Variants in KRTAP24-1 observed in about 807,000 individuals in gnomAD.
KRTAP24-1 encodes keratin-associated protein 24-1.
For synonymous variants in KRTAP24-1, 133 were observed against 116.3 expected (o/e 1.14, Z -0.92); for missense variants, 344 against 303.2 (o/e 1.13, Z -1.00).
At position 30,282,186 on chromosome 21, in the gene KRTAP24-1, T is replaced by G. The variant is rs141102396; in HGVS notation, c.747A>C (p.Arg249Ser). ...AAGTTGGTCAATAGCATTTCAGAGG[T>G]CTGCTACCACTGCACAAATACCTCA... ...PPLRYLCSGS[R>S]PLKCY is the part of the protein sequence containing the mutation. Residue 249 changes from arginine (R) to serine (S), a missense_variant, in exon 1 of 1, where the codon AGA becomes AGC. Physicochemically the swap from Arg to Ser is moderately radical, Grantham distance 110. Transcript: ENST00000340345. 7.4e-4 allele frequency: 1,197 copies of G among 1,611,414 alleles called. 4 individuals are homozygous for G. In the African/African-American group the frequency reaches 0.014, roughly 19 times the overall value.
In KRTAP24-1 at chr21:30,281,900, G is replaced by A. The variant is rs1018917702; in HGVS notation, c.*268C>T. The stretch of plus-strand genomic sequence containing the variant: ...GTTGTATTTCAAATGGAGTCTCTTC[G>A]GTAAGTCCATTGTAATAAATCTCAG... On this transcript the variant is annotated 3_prime_UTR_variant, in exon 1 of 1. Transcript: ENST00000340345. The A allele has an allele frequency of 5.3e-5, 19 of 358,728 alleles. No individual in the cohort carries two copies. Among genetic ancestry groups the A allele is most frequent in the African/African-American group, 2.7e-4 (13 of 47,514 alleles). The allele number at this position is 358,728 out of a possible 1,614,324, so 22.2% of individuals were successfully genotyped here.
At position 30,282,417 on chromosome 21, in the gene KRTAP24-1, A is replaced by G. The variant is rs950844806; in HGVS notation, c.516T>C (p.Thr172=). ...FQTLNHCRLS[T]LGYKSYQNPC... is the part of the protein sequence containing the mutation. ...GATTTTGGTAGCTTTTATACCCCAAAGTACTCAATCTGCAGTGGTTTAGAG... is the reference window on the plus strand; with the variant it reads ...GATTTTGGTAGCTTTTATACCCCAAGGTACTCAATCTGCAGTGGTTTAGAG... The change falls in exon 1 of 1, where the codon ACT becomes ACC. Residue 172 remains threonine (T), a synonymous_variant. Coordinates refer to ENST00000340345, the MANE Select transcript of KRTAP24-1 (RefSeq NM_001085455.3). 4 of 1,614,084 alleles carry G rather than the reference A, an allele frequency of 2.5e-6. No homozygotes were observed. The highest frequency in any genetic ancestry group is 3.4e-6 in the Non-Finnish European group (4 of 1,180,034).
Position 30,282,929 on chromosome 21 carries a change from G to T in KRTAP24-1, c.4C>A (p.Pro2Thr), listed in dbSNP as rs764965517. The T allele has an allele frequency of 1.2e-6, 2 of 1,605,852 alleles. No homozygotes were observed. Among genetic ancestry groups the T allele is most frequent in the Non-Finnish European group, 1.7e-6 (2 of 1,175,708 alleles). The part of the protein sequence containing the change: M[P>T]AGSMSTTGYP... ...CCTGTAGTAGACATGGAGCCTGCAGGCATGCTCAGTGGTCGCTGTGCAGTG... is the reference window on the plus strand; with the variant it reads ...CCTGTAGTAGACATGGAGCCTGCAGTCATGCTCAGTGGTCGCTGTGCAGTG... Residue 2 changes from proline to threonine, a missense_variant, in exon 1 of 1, where the codon CCT becomes ACT. Coordinates refer to ENST00000340345, the MANE Select transcript of KRTAP24-1 (RefSeq NM_001085455.3).
In KRTAP24-1 at chr21:30,282,729, T is replaced by G; in HGVS notation, c.204A>C (p.Ala68=). ...LDYCQESYGE[A]PTCKSPSCEP... is the part of the protein sequence containing the mutation. ...CACAGCTGGGAGATTTGCAGGTTGG[T>G]GCTTCACCGTAGGATTCTTGGCAGT... The change falls in exon 1 of 1, where the codon GCA becomes GCC. Residue 68 remains alanine, a synonymous_variant. Transcript: ENST00000340345. 1 of 1,613,904 alleles carries G rather than the reference T, an allele frequency of 6.2e-7. No individual in the cohort carries two copies. The highest frequency in any genetic ancestry group is 8.5e-7 in the Non-Finnish European group (1 of 1,179,896).
rs777458893 is a variant in KRTAP24-1, at chr21:30,282,698, T to C, written c.235A>G (p.Lys79Glu). ...TCACAACCAGTGGTACTGCAGGTCT[T>C]GGGCTCACAGCTGGGAGATTTGCAG... is the stretch of plus-strand genomic sequence containing the variant. ...PTCKSPSCEP[K>E]TCSTTGCDPS... The change falls in exon 1 of 1, where the codon AAG (lysine) becomes GAG (glutamate). Residue 79 changes from lysine to glutamate, a missense_variant. Physicochemically the swap from Lys to Glu is moderately conservative, Grantham distance 56 (BLOSUM62 1). Coordinates refer to ENST00000340345, the MANE Select transcript of KRTAP24-1 (RefSeq NM_001085455.3). 2.5e-6 allele frequency: 4 copies of C among 1,612,992 alleles called. No individual in the cohort carries two copies. The highest frequency in any genetic ancestry group is 2.2e-5 in the East Asian group (1 of 44,854).
Position 30,282,045 on chromosome 21 carries a change from G to C in KRTAP24-1, c.*123C>G, listed in dbSNP as rs182706436. 8.8e-4 allele frequency: 892 copies of C among 1,018,788 alleles called. 5 individuals are homozygous for C. The East Asian group carries it at 0.015, about 17-fold the overall frequency. The allele number at this position is 1,018,788 out of a possible 1,614,324, so 63.1% of individuals were successfully genotyped here. ...GTTAATAAACCTGGGAGTTGTATTT[G>C]AACTTAATGTAACAAGATTCTTAGG... is the stretch of plus-strand genomic sequence containing the variant. On this transcript the variant is annotated 3_prime_UTR_variant, in exon 1 of 1. Transcript: ENST00000340345.
chr21:30,282,360 T>C lies in KRTAP24-1; in HGVS notation c.573A>G (p.Leu191=). The C allele has an allele frequency of 6.2e-7, 1 of 1,614,090 alleles. No homozygotes were observed. The highest frequency in any genetic ancestry group is 8.5e-7 in the Non-Finnish European group (1 of 1,180,006). The stretch of plus-strand genomic sequence containing the variant: ...GTTGGCAGCTGTTGGAAATATAACA[T>C]AATGGTGAGACGTAGCTGGGTATGA... The part of the protein sequence containing the change: ...PCFIPSYVSP[L]CYISNSCQPQ... Residue 191 remains leucine, a synonymous_variant, in exon 1 of 1, where the codon TTA becomes TTG. Coordinates refer to ENST00000340345, the MANE Select transcript of KRTAP24-1 (RefSeq NM_001085455.3).
chr21:30,282,089 C>A lies in KRTAP24-1; in HGVS notation c.*79G>T. The A allele has an allele frequency of 1.5e-6, 2 of 1,356,338 alleles. No individual in the cohort carries two copies. The highest frequency in any genetic ancestry group is 2.0e-6 in the Non-Finnish European group (2 of 999,630). The allele number at this position is 1,356,338 out of a possible 1,614,324, so 84.0% of individuals were successfully genotyped here. ...TCTTAGGCTGAATAAAGAGATTCAG[C>A]AGAAAATTAGACGTTCTAGTACTTA... On this transcript the variant is annotated 3_prime_UTR_variant, in exon 1 of 1. Coordinates refer to ENST00000340345, the MANE Select transcript of KRTAP24-1 (RefSeq NM_001085455.3).
rs369096039 is a variant in KRTAP24-1, at chr21:30,282,411, C to T, written c.522G>A (p.Gly174=). 1.5e-4 allele frequency: 246 copies of T among 1,613,922 alleles called. No homozygotes were observed. Among genetic ancestry groups the T allele is most frequent in the Non-Finnish European group, 1.9e-4 (227 of 1,179,952 alleles). The change falls in exon 1 of 1, where the codon GGG becomes GGA. Residue 174 remains glycine (G), a synonymous_variant. Coordinates refer to ENST00000340345, the MANE Select transcript of KRTAP24-1 (RefSeq NM_001085455.3). The part of the protein sequence containing the change: ...TLNHCRLSTL[G]YKSYQNPCFI... ...AGCAAGGATTTTGGTAGCTTTTATA[C>T]CCCAAAGTACTCAATCTGCAGTGGT...
rs1980736037 is a variant in KRTAP24-1 at position 30,282,434 on chromosome 21, G to T, written c.499C>A (p.His167Asn). ...TACCCCAAAGTACTCAATCTGCAGT[G>T]GTTTAGAGTTTGGAAACTCTTGGAT... is the stretch of plus-strand genomic sequence containing the variant. ...CLSKSFQTLN[H>N]CRLSTLGYKS... The change falls in exon 1 of 1, where the codon CAC becomes AAC. Residue 167 changes from histidine to asparagine, a missense_variant. Physicochemically the swap from His to Asn is moderately conservative, Grantham distance 68 (BLOSUM62 1). Transcript: ENST00000340345. 2 of 1,614,022 alleles carry T rather than the reference G, an allele frequency of 1.2e-6. No individual in the cohort carries two copies. The highest frequency in any genetic ancestry group is 1.7e-6 in the Non-Finnish European group (2 of 1,180,016).
chr21:30,282,297 G>A lies in KRTAP24-1; in HGVS notation c.636C>T (p.Ser212=). 1 of 1,614,130 alleles carries A rather than the reference G, an allele frequency of 6.2e-7. No homozygotes were observed. Among genetic ancestry groups the A allele is most frequent in the South Asian group, 1.1e-5 (1 of 91,082 alleles). ...GTGGTCGGCAGCTCGTAGGCCTGTA[G>A]CTTGAATAGTGATAATTTCTCACTA... The part of the protein sequence containing the change: ...SYLVRNYHYS[S]YRPTSCRPLS... The change falls in exon 1 of 1, where the codon AGC becomes AGT. Residue 212 remains serine (S), a synonymous_variant. Coordinates refer to ENST00000340345, the MANE Select transcript of KRTAP24-1 (RefSeq NM_001085455.3).
chr21:30,282,418 G>T lies in KRTAP24-1; in HGVS notation c.515C>A (p.Thr172Asn), dbSNP rs760382015. 1 of 1,614,052 alleles carries T rather than the reference G, an allele frequency of 6.2e-7. No homozygotes were observed. The highest frequency in any genetic ancestry group is 8.5e-7 in the Non-Finnish European group (1 of 1,180,022). ...FQTLNHCRLS[T>N]LGYKSYQNPC... Reference sequence around the variant, plus strand: ...ATTTTGGTAGCTTTTATACCCCAAAGTACTCAATCTGCAGTGGTTTAGAGT... The same window carrying T: ...ATTTTGGTAGCTTTTATACCCCAAATTACTCAATCTGCAGTGGTTTAGAGT... The change falls in exon 1 of 1, where the codon ACT becomes AAT. Residue 172 changes from threonine (T) to asparagine (N), a missense_variant. Physicochemically the swap from Thr to Asn is moderately conservative, Grantham distance 65. Coordinates refer to ENST00000340345, the MANE Select transcript of KRTAP24-1 (RefSeq NM_001085455.3).
chr21:30,281,886 A>C lies in KRTAP24-1; in HGVS notation c.*282T>G. The stretch of plus-strand genomic sequence containing the variant: ...GAAAGCCGGTGATGGTTGTATTTCA[A>C]ATGGAGTCTCTTCGGTAAGTCCATT... On this transcript the variant is annotated 3_prime_UTR_variant, in exon 1 of 1. Transcript: ENST00000340345. 1 of 312,296 alleles carries C rather than the reference A, an allele frequency of 3.2e-6. No individual in the cohort carries two copies. The highest frequency in any genetic ancestry group is 5.8e-6 in the Non-Finnish European group (1 of 171,172). 19.3% of individuals were successfully genotyped at this position (312,296 alleles called of 1,614,324 possible). A position where few individuals can be genotyped will look rare whatever the true frequency, so the allele number is the denominator to read the frequency against.
chr21:30,282,154 A>C lies in KRTAP24-1; in HGVS notation c.*14T>G. On this transcript the variant is annotated 3_prime_UTR_variant, in exon 1 of 1. Coordinates refer to ENST00000340345, the MANE Select transcript of KRTAP24-1 (RefSeq NM_001085455.3). Reference sequence around the variant, plus strand: ...ATTGGGCAATTTCCAGCTGCTATAAATTCTGGAAGTTGGTCAATAGCATTT... The same window carrying C: ...ATTGGGCAATTTCCAGCTGCTATAACTTCTGGAAGTTGGTCAATAGCATTT... 2 of 1,597,164 alleles carry C rather than the reference A, an allele frequency of 1.3e-6. No homozygotes were observed. The highest frequency in any genetic ancestry group is 1.1e-5 in the South Asian group (1 of 89,582).
In KRTAP24-1 at chr21:30,282,842, A is replaced by C. The variant is rs1284467830; in HGVS notation, c.91T>G (p.Ser31Ala). The C allele has an allele frequency of 5.6e-6, 9 of 1,613,802 alleles. No homozygotes were observed. In the Admixed American group the frequency reaches 1.3e-4, roughly 24 times the overall value. Residue 31 changes from serine (S) to alanine (A), a missense_variant, in exon 1 of 1, where the codon TCT becomes GCT. Transcript: ENST00000340345. Reference protein sequence around the residue: ...RTHCYIPVTSSVTLSSSDLSP... With the variant: ...RTHCYIPVTSAVTLSSSDLSP... ...AAATCACTGGAGCTAAGAGTAACAGAAGAGGTCACTGGGATATAACAGTGA... is the reference window on the plus strand; with the variant it reads ...AAATCACTGGAGCTAAGAGTAACAGCAGAGGTCACTGGGATATAACAGTGA...
Position 30,282,230 on chromosome 21 carries a change from G to A in KRTAP24-1, c.703C>T (p.Pro235Ser). ...TACCTCAGAGGTGGAAAGGTACTGG[G>A]TATATAGCTCAGAGATCTGAAGCTT... is the stretch of plus-strand genomic sequence containing the variant. The part of the protein sequence containing the change: ...SRSFRSLSYI[P>S]STFPPLRYLC... Residue 235 changes from proline to serine, a missense_variant, in exon 1 of 1, where the codon CCC becomes TCC. By Grantham distance (74) the Pro-to-Ser change is moderately conservative. Coordinates refer to ENST00000340345, the MANE Select transcript of KRTAP24-1 (RefSeq NM_001085455.3). 7 of 1,614,086 alleles carry A rather than the reference G, an allele frequency of 4.3e-6. No homozygotes were observed. Among genetic ancestry groups the A allele is most frequent in the Non-Finnish European group, 5.9e-6 (7 of 1,179,990 alleles).
chr21:30,282,338 G>A, the KRTAP24-1 span: 2 of 1,613,970 alleles, frequency 1.2e-6, no homozygotes, highest in Admixed American at 1.7e-5. Context: ...CTTTGGGGTT[G>A]GCAGCTGTTG....
Position 30,282,585 on chromosome 21 carries a change from G to C in KRTAP24-1, c.348C>G (p.Pro116=), listed in dbSNP as rs776189194. 1 of 1,590,232 alleles carries C rather than the reference G, an allele frequency of 6.3e-7. No individual in the cohort carries two copies. The highest frequency in any genetic ancestry group is 2.2e-5 in the East Asian group (1 of 44,686). Residue 116 remains proline, a synonymous_variant, in exon 1 of 1, where the codon CCC becomes CCG. Transcript: ENST00000340345. ...VCETTNVSPS[P]SCSPSTQTNG... ...TGGTCTGGGTGCTTGGGCTGCAGCTGGGGCTGGGGCTGACGTTGGTAGTTT... is the reference window on the plus strand; with the variant it reads ...TGGTCTGGGTGCTTGGGCTGCAGCTCGGGCTGGGGCTGACGTTGGTAGTTT...
At chr21:30,282,211 AG>A in the KRTAP24-1 span, 1 of 1,613,948 alleles carries the variant, frequency 6.2e-7, no homozygotes, top group Non-Finnish European at 8.5e-7. Context: ...CAAATACCTC[AG>A]AGGTGGAAAG....
Sources: gnomAD v4.1 joint callset for allele counts on GRCh38, gnomAD v4.1.1 for gene constraint, MANE v1.5 for transcripts, NCBI Gene and HGNC (gene_info 2026-07-23, HGNC 2026-07-21) for gene names.